Variants in PKP1 observed in about 807,000 individuals in gnomAD.
PKP1 encodes the protein plakophilin 1.
PKP1 carries 27 observed loss-of-function variants against 76.4 expected under a neutral mutation model. That is an observed-to-expected ratio of 0.35 (90% confidence interval 0.26 to 0.49). The LOEUF (loss-of-function observed/expected upper bound fraction) is 0.49. Among genes scored for constraint, PKP1 ranks in the 20% least tolerant of loss-of-function variants. The probability of loss-of-function intolerance (pLI) is 0.99; values close to 1 mark genes in which losing one functional copy is unlikely to be tolerated. For missense variants in PKP1, 964 were observed against 955.2 expected, an observed-to-expected ratio of 1.01 and a Z score of -0.12; for synonymous variants, 404 against 384.2, an observed-to-expected ratio of 1.05 and a Z score of -0.60.
chr1:201,306,789 C>T (rs1381792624), intron 2 of PKP1, among the ~76,000 whole-genome samples: 2 of 152,164 alleles, frequency 1.3e-5, no homozygotes, highest in East Asian at 3.9e-4. Context: ...ATTCTCCTGC[C>T]TCAGCCTCCC....
intron 2 of PKP1, among the ~76,000 whole-genome samples, chr1:201,297,434 T>G (rs1040301033): frequency 1.3e-5 from 2 of 152,184 alleles, no homozygotes; most frequent in Admixed American, 6.5e-5. Context: ...GTTTCTCAGC[T>G]GCATACTCAG....
chr1:201,295,911 C>T (rs1315158573), intron 2 of PKP1, among the ~76,000 whole-genome samples: 2 of 152,158 alleles, frequency 1.3e-5, no homozygotes, highest in African/African-American at 4.8e-5. Flanking sequence ...CTTCATTTGG[C>T]CCATGTTGAA....
At chr1:201,289,550 C>T (rs944500588) in intron 1 of PKP1, among the ~76,000 whole-genome samples, 22 of 152,116 alleles carry the variant, frequency 1.4e-4, no homozygotes, top group Non-Finnish European at 7.4e-5. Flanking sequence ...AGGCTGATGT[C>T]CTGAGAGCCT....
chr1:201,306,847 G>GT (rs56249934), intron 2 of PKP1, among the ~76,000 whole-genome samples: 3 of 151,582 alleles, frequency 2.0e-5, no homozygotes, highest in African/African-American at 2.4e-5. Context: ...GCTACTTTTT[G>GT]TTTTTTTTGT....
chr1:201,297,187 T>C (rs1349568791), intron 2 of PKP1, among the ~76,000 whole-genome samples: 2 of 152,164 alleles, frequency 1.3e-5, no homozygotes, highest in African/African-American at 2.4e-5. Context: ...AAAACAAAGA[T>C]AGTGTGACAC....
At chr1:201,322,791 G>T (rs969543406) in intron 8 of PKP1, among the ~76,000 whole-genome samples, 13 of 152,206 alleles carry the variant, frequency 8.5e-5, no homozygotes, top group African/African-American at 2.7e-4. Flanking sequence ...GGGACAGTCT[G>T]GGGGACCATG....
rs1180454325 is a variant in PKP1, at chr1:201,283,702, C to A, written c.-1C>A. The A allele has an allele frequency of 6.2e-7, 1 of 1,613,448 alleles. No homozygotes were observed. The highest frequency in any genetic ancestry group is 8.5e-7 in the Non-Finnish European group (1 of 1,179,662). ...CCGCGCGCCACCCGCCTCCCGCCACCATGAACCACTCGCCGCTCAAGACCG... is the reference window on the plus strand; with the variant it reads ...CCGCGCGCCACCCGCCTCCCGCCACAATGAACCACTCGCCGCTCAAGACCG... On this transcript the variant is annotated 5_prime_UTR_variant, in exon 1 of 14. Transcript: ENST00000367324.
chr1:201,319,823 CTG>C (rs1399134374), intron 6 of PKP1: 1 of 1,613,886 alleles, frequency 6.2e-7, no homozygotes, highest in African/African-American at 1.3e-5. Context: ...CAGAAAGAGA[CTG>C]GGCATGCGGG....
intron 2 of PKP1, among the ~76,000 whole-genome samples, chr1:201,301,188 G>A (rs1656217751): frequency 6.6e-6 from 1 of 152,196 alleles, no homozygotes; most frequent in Non-Finnish European, 1.5e-5. Context: ...CCCTTGTAGA[G>A]GAATGGAGAG....
intron 10 of PKP1, 63 bp from the exon 11 acceptor site, chr1:201,324,878 A>T: frequency 6.7e-7 from 1 of 1,489,262 alleles, no homozygotes; most frequent in African/African-American, 1.4e-5. Flanking sequence ...CCCCAGAGGG[A>T]ACCCCTCAGC....
At chr1:201,323,453 C>T (rs866360561) in intron 9 of PKP1, among the ~76,000 whole-genome samples, 27 of 152,268 alleles carry the variant, frequency 1.8e-4, no homozygotes, top group African/African-American at 6.0e-4. Context: ...ACATGGCTCC[C>T]GGTCCCCAGC....
chr1:201,316,536 C>T lies in PKP1; in HGVS notation c.702-17C>T. ...CCAGCCCACCCCGTAACCACCCCCA[C>T]TGCCTATTCTTCACAGGATCTGCAG... is the stretch of plus-strand genomic sequence containing the variant. On this transcript the variant is annotated splice_polypyrimidine_tract_variant and intron_variant, in intron 3 of 13. Coordinates refer to ENST00000367324, the MANE Select transcript of PKP1 (RefSeq NM_001005337.3). 6.3e-7 allele frequency: 1 copy of T among 1,594,680 alleles called. No individual in the cohort carries two copies. The highest frequency in any genetic ancestry group is 8.5e-7 in the Non-Finnish European group (1 of 1,170,014).
chr1:201,293,759 G>T (rs1319837490), intron 1 of PKP1, among the ~76,000 whole-genome samples, 183 bp from the exon 2 acceptor site: 2 of 152,170 alleles, frequency 1.3e-5, no homozygotes, highest in South Asian at 4.1e-4. Context: ...CCCTTCCCTT[G>T]GTCCCGGCTG....
chr1:201,289,752 G>T (rs956174024), intron 1 of PKP1, among the ~76,000 whole-genome samples: 5 of 151,820 alleles, frequency 3.3e-5, no homozygotes, highest in African/African-American at 7.3e-5. Context: ...ATTCCAAGGA[G>T]CCCACAAGCC....
intron 3 of PKP1, among the ~76,000 whole-genome samples, chr1:201,315,241 T>G (rs944450424): frequency 6.6e-6 from 1 of 152,068 alleles, no homozygotes; most frequent in African/African-American, 2.4e-5. Flanking sequence ...CATTTTGGGG[T>G]GACATTTTAC....
intron 8 of PKP1, 39 bp from the exon 9 acceptor site, chr1:201,322,974 G>T (rs371392104): frequency 1.2e-6 from 2 of 1,602,032 alleles, no homozygotes; most frequent in East Asian, 4.5e-5. Context: ...CTCTCACAAG[G>T]CTCCCCATTG....
In PKP1 at chr1:201,324,487, C is replaced by T. The variant is rs1028196392; in HGVS notation, c.1740C>T (p.Ala580=). 2 of 1,614,110 alleles carry T rather than the reference C, an allele frequency of 1.2e-6. No homozygotes were observed. The highest frequency in any genetic ancestry group is 2.2e-5 in the East Asian group (1 of 44,870). Residue 580 remains alanine (A), a synonymous_variant, in exon 10 of 14, where the codon GCC becomes GCT. Coordinates refer to ENST00000367324, the MANE Select transcript of PKP1 (RefSeq NM_001005337.3). The part of the protein sequence containing the change: ...GLKEKGLPQI[A]RLLQSGNSDV... Reference sequence around the variant, plus strand: ...AGGAAAAGGGCCTGCCACAAATTGCCCGCCTCCTGCAATCTGGCAACTCTG... The same window carrying T: ...AGGAAAAGGGCCTGCCACAAATTGCTCGCCTCCTGCAATCTGGCAACTCTG...
intron 8 of PKP1, 148 bp from the exon 9 acceptor site, chr1:201,322,865 C>T: frequency 1.3e-6 from 1 of 767,306 alleles, no homozygotes; most frequent in Non-Finnish European, 2.2e-6. Context: ...GCGGGGCTGT[C>T]CTGGGCCCCC....
Position 201,324,943 on chromosome 1 carries a change from A to T in PKP1, c.1837A>T (p.Asn613Tyr), listed in dbSNP as rs772552178. Reference protein sequence around the residue: ...RHPLLHRVMGNQVFPEVTRLL... With the variant: ...RHPLLHRVMGYQVFPEVTRLL... ...GCCCCAACTCGTTCCTCTCCCAGGG[A>T]ACCAGGTGTTCCCGGAGGTGACCAG... The change falls in exon 11 of 14, where the codon AAC (asparagine) becomes TAC (tyrosine). Residue 613 changes from asparagine to tyrosine, a missense_variant and splice_region_variant. By Grantham distance (143) the Asn-to-Tyr change is moderately radical. Transcript: ENST00000367324. The T allele has an allele frequency of 1.2e-6, 2 of 1,613,394 alleles. No homozygotes were observed. The highest frequency in any genetic ancestry group is 4.5e-5 in the East Asian group (2 of 44,878).
Sources: gnomAD v4.1 joint callset for allele counts (sites outside exome capture counted in the v4.1 genomes callset) on GRCh38, gnomAD v4.1.1 for gene constraint, MANE v1.5 for transcripts, NCBI Gene and HGNC (gene_info 2026-07-23, HGNC 2026-07-21) for gene names.